LPO: variants seen among roughly 807,000 people sequenced by gnomAD.
LPO encodes the protein lactoperoxidase.
In LPO, 70 loss-of-function variants were observed where a neutral mutation model predicts 68.4. That is an observed-to-expected ratio of 1.02 (90% confidence interval 0.84 to 1.25). LPO has a LOEUF of 1.25. Ranked by LOEUF, LPO falls within the 50% of genes most tolerant of loss-of-function variation. The probability of loss-of-function intolerance (pLI) is 0.00; values close to 1 mark genes in which losing one functional copy is unlikely to be tolerated. For missense variants in LPO, 873 were observed against 908.4 expected (o/e 0.96, Z 0.50); for synonymous variants, 360 against 357.6 (o/e 1.01, Z -0.08).
At chr17:58,253,713 T>C (rs1030075076) in intron 8 of LPO, among the ~76,000 whole-genome samples, 2 of 152,254 alleles carry the variant, frequency 1.3e-5, no homozygotes, top group African/African-American at 4.8e-5. Flanking sequence ...ATAGATCTTT[T>C]GGATTTTGTG....
chr17:58,251,880 T>TC (rs1206518918), intron 7 of LPO: 1 of 655,640 alleles, frequency 1.5e-6, no homozygotes, highest in African/African-American at 1.8e-5. Flanking sequence ...TGTTCCCACC[T>TC]CGTGTCCTGC....
intron 3 of LPO, among the ~76,000 whole-genome samples, chr17:58,245,747 G>A (rs2143891165): frequency 6.6e-6 from 1 of 152,290 alleles, no homozygotes; most frequent in South Asian, 2.1e-4. Context: ...CATGGTGTTG[G>A]GAGGGACGTG....
chr17:58,243,973 G>T (rs1969806055), intron 2 of LPO, 21 bp from the exon 3 acceptor site: 2 of 1,571,976 alleles, frequency 1.3e-6, no homozygotes, highest in Non-Finnish European at 1.8e-6. Flanking sequence ...CCTACTTCCT[G>T]CTCCCCACTC....
Position 58,254,796 on chromosome 17 carries a change from C to T in LPO, c.1106-15C>T. The T allele has an allele frequency of 6.8e-6, 11 of 1,613,564 alleles. No individual in the cohort carries two copies. The highest frequency in any genetic ancestry group is 9.3e-6 in the Non-Finnish European group (11 of 1,179,702). On this transcript the variant is annotated splice_polypyrimidine_tract_variant and intron_variant, in intron 8 of 12. Coordinates refer to ENST00000262290, the MANE Select transcript of LPO (RefSeq NM_006151.3). Reference sequence around the variant, plus strand: ...TGTTAGGGAGAATCTACCTTCCTGCCTTCTGGGCTTTCAGGAGATTCTCGA... The same window carrying T: ...TGTTAGGGAGAATCTACCTTCCTGCTTTCTGGGCTTTCAGGAGATTCTCGA...
chr17:58,264,396 C>T lies in LPO; in HGVS notation c.1267-326C>T, dbSNP rs945229905. ...CCCTGACATTGTTACATTAAAGTGA[C>T]ACACAAAGACTGTCACTTTAGCATC... On this transcript the variant is annotated intron_variant, in intron 9 of 12. Coordinates refer to ENST00000262290, the MANE Select transcript of LPO (RefSeq NM_006151.3). Among the ~76,000 whole-genome samples, 5 of 152,158 alleles carry T rather than the reference C, an allele frequency of 3.3e-5. No individual in the cohort carries two copies. In the East Asian group the frequency reaches 5.8e-4, roughly 18 times the overall value.
intron 5 of LPO, 21 bp from the exon 6 acceptor site, chr17:58,249,545 C>A (rs1356375002): frequency 2.5e-6 from 4 of 1,601,360 alleles, no homozygotes; most frequent in Non-Finnish European, 3.4e-6. Flanking sequence ...CGAAGCTCAG[C>A]GAGGATCGTG....
Position 58,252,349 on chromosome 17 carries a change from G to T in LPO, c.948G>T (p.Leu316=). 1 of 1,614,198 alleles carries T rather than the reference G, an allele frequency of 6.2e-7. No homozygotes were observed. The highest frequency in any genetic ancestry group is 8.5e-7 in the Non-Finnish European group (1 of 1,180,044). The change falls in exon 8 of 13, where the codon CTG becomes CTT. Residue 316 remains leucine, a synonymous_variant. Transcript: ENST00000262290. ...TTGTGTACAGCTCCGAGCCAAGCCT[G>T]GCCAGCCGCCTCCGCAACCTCAGCA... ...ASFVYSSEPS[L]ASRLRNLSSP...
chr17:58,250,293 A>AGT, intron 6 of LPO, 122 bp from the exon 7 acceptor site: 1 of 789,208 alleles, frequency 1.3e-6, no homozygotes, highest in Non-Finnish European at 2.2e-6. Flanking sequence ...CCACCTCACA[A>AGT]ACTCCTTGTA....
chr17:58,253,022 C>CA (rs765890765), intron 8 of LPO, among the ~76,000 whole-genome samples: 887 of 31,050 alleles, frequency 0.029, 45 homozygotes, highest in East Asian at 0.085. Flanking sequence ...GACTCCATCT[C>CA]AAAAAAAAAA....
chr17:58,266,121 C>T, intron 10 of LPO, 32 bp from the exon 11 acceptor site: 1 of 1,604,282 alleles, frequency 6.2e-7, no homozygotes, highest in Non-Finnish European at 8.5e-7. Context: ...CTTCCCCCAA[C>T]CTAAGCATGG....
Position 58,256,353 on chromosome 17 carries a change from G to A in LPO, c.1266+1382G>A, listed in dbSNP as rs576252556. On this transcript the variant is annotated intron_variant, in intron 9 of 12. Coordinates refer to ENST00000262290, the MANE Select transcript of LPO (RefSeq NM_006151.3). Reference sequence around the variant, plus strand: ...TGAAAAGAAATGTTTATTTGTTTGAGATACATGCCTAAGAGTGCAATTGCT... The same window carrying A: ...TGAAAAGAAATGTTTATTTGTTTGAAATACATGCCTAAGAGTGCAATTGCT... 2.7e-5 allele frequency among the ~76,000 whole-genome samples: 4 copies of A among 150,712 alleles called. No individual in the cohort carries two copies. The South Asian group carries it at 8.4e-4, about 32-fold the overall frequency.
intron 1 of LPO, among the ~76,000 whole-genome samples, chr17:58,241,527 C>T (rs1353183868): frequency 6.6e-6 from 1 of 152,070 alleles, no homozygotes; most frequent in African/African-American, 2.4e-5. Context: ...GCAATGGGTC[C>T]CCTGAAGTTG....
rs1461658174 is a variant in LPO, at chr17:58,247,485, A to AC, written c.174dup (p.Ala59ArgfsTer5). ...CATCTCCCTCCACTGTAGGCTGAAG[A>AC]CCGCCATGAGCTCTGAGACTCCCAC... On this transcript the variant is annotated frameshift_variant, in exon 4 of 13. Transcript: ENST00000262290. LOFTEE classifies it high-confidence loss of function. 1 of 1,612,650 alleles carries AC rather than the reference A, an allele frequency of 6.2e-7. No individual in the cohort carries two copies. The highest frequency in any genetic ancestry group is 8.5e-7 in the Non-Finnish European group (1 of 1,179,202).
intron 6 of LPO, 110 bp downstream of exon 6, chr17:58,249,805 C>A: frequency 7.2e-7 from 1 of 1,381,556 alleles, no homozygotes; most frequent in Non-Finnish European, 9.5e-7. Context: ...AGCAGGGGTG[C>A]GCGATGGAGA....
chr17:58,252,462 G>A lies in LPO; in HGVS notation c.1061G>A (p.Cys354Tyr). The change falls in exon 8 of 13, where the codon TGT becomes TAT. Residue 354 changes from cysteine to tyrosine, a missense_variant. Cys to Tyr is a radical substitution (Grantham distance 194). Coordinates refer to ENST00000262290, the MANE Select transcript of LPO (RefSeq NM_006151.3). ...LPYDSKKPSPCEFINTTARVP... is the reference protein window; with the variant it reads ...LPYDSKKPSPYEFINTTARVP... ...TATGACAGCAAGAAGCCAAGCCCCT[G>A]TGAGTTCATCAACACCACTGCCCGT... 4.3e-6 allele frequency: 7 copies of A among 1,613,968 alleles called. No homozygotes were observed. The highest frequency in any genetic ancestry group is 5.9e-6 in the Non-Finnish European group (7 of 1,180,020).
At chr17:58,249,480 C>CAGAG in intron 5 of LPO, 86 bp from the exon 6 acceptor site, 3 of 1,519,292 alleles carry the variant, frequency 2.0e-6, no homozygotes, top group Non-Finnish European at 2.6e-6. Flanking sequence ...CCGCCTCGAG[C>CAGAG]AGAGGCTCCT....
At chr17:58,247,782 C>G (rs1012871912) in intron 4 of LPO, 144 bp downstream of exon 4, 2 of 942,784 alleles carry the variant, frequency 2.1e-6, no homozygotes, top group Admixed American at 5.7e-5. Flanking sequence ...GACCCGTAGA[C>G]GAGACTGGCA....
intron 9 of LPO, among the ~76,000 whole-genome samples, chr17:58,261,656 T>C (rs139069402): frequency 4.6e-4 from 70 of 152,332 alleles, no homozygotes; most frequent in African/African-American, 1.6e-3. Context: ...ATCTCCCATA[T>C]CTCTCATTTT....
chr17:58,255,008 C>T (rs1567820379), intron 9 of LPO, 37 bp downstream of exon 9: 1 of 1,603,350 alleles, frequency 6.2e-7, no homozygotes, highest in East Asian at 2.2e-5. Context: ...CTGGTCCCAC[C>T]TGGCTCCCAC....
Sources: allele counts gnomAD v4.1 joint callset (sites outside exome capture counted in the v4.1 genomes callset), GRCh38; gene constraint gnomAD v4.1.1; transcripts MANE v1.5; gene names NCBI Gene and HGNC (gene_info 2026-07-23, HGNC 2026-07-21).